KLHL25: variants seen among roughly 807,000 people sequenced by gnomAD.
KLHL25 encodes the protein kelch like family member 25.
A neutral mutation model predicts 30.0 loss-of-function variants in KLHL25; 41 were observed. The ratio of observed to expected loss-of-function variants is 1.37; its 90% CI spans 1.07 to 1.78. The LOEUF (loss-of-function observed/expected upper bound fraction) is 1.78. Ranked by LOEUF, KLHL25 falls within the 40% of genes most tolerant of loss-of-function variation. KLHL25 has a pLI of 0.00. For missense variants in KLHL25, 971 were observed against 824.5 expected, an observed-to-expected ratio of 1.18 and a Z score of -2.18; for synonymous variants, 399 against 355.3, an observed-to-expected ratio of 1.12 and a Z score of -1.38.
rs2089800904 is a variant in KLHL25, at chr15:85,789,282, C to G, written c.-11+5484G>C. Among the ~76,000 whole-genome samples the G allele has an allele frequency of 6.6e-6, 1 of 152,230 alleles. No individual in the cohort carries two copies. The highest frequency in any genetic ancestry group is 1.5e-5 in the Non-Finnish European group (1 of 68,038). ...CTGGTGGCAGCAGGCACAGCGCTCC[C>G]ATGGCCTGCTCAGCCCTGCTTCCCC... On this transcript the variant is annotated intron_variant, in intron 1 of 2. Transcript: ENST00000337975. This position sits in a 1 kb window ranked among gnomAD's most constrained non-coding sequence, Gnocchi z 4.1.
Position 85,769,221 on chromosome 15 carries a change from A to G in KLHL25, c.590T>C (p.Ile197Thr). 1 of 1,613,596 alleles carries G rather than the reference A, an allele frequency of 6.2e-7. No individual in the cohort carries two copies. Among genetic ancestry groups the G allele is most frequent in the East Asian group, 2.2e-5 (1 of 44,882 alleles). The change falls in exon 2 of 3, where the codon ATC (isoleucine) becomes ACC (threonine). Residue 197 changes from isoleucine (I) to threonine (T), a missense_variant. By Grantham distance (89) the Ile-to-Thr change is moderately conservative. Transcript: ENST00000337975. The stretch of plus-strand genomic sequence containing the variant: ...CTCGGTCTCCAGCTCATCACTCGAG[A>G]TGAGGTCCAGCAGTGTGTCCTTGGA... ...SLSKDTLLDL[I>T]SSDELETEDE...
chr15:85,777,112 GGGCTGCC>G (rs2089714666), intron 1 of KLHL25, among the ~76,000 whole-genome samples: 2 of 152,194 alleles, frequency 1.3e-5, no homozygotes, highest in South Asian at 4.1e-4. Flanking sequence ...GCACAGGAAT[GGGCTGCC>G]CATGGGGCAG....
chr15:85,786,073 G>A (rs557058542), intron 1 of KLHL25, among the ~76,000 whole-genome samples: 3 of 147,596 alleles, frequency 2.0e-5, no homozygotes, highest in East Asian at 2.0e-4. Flanking sequence ...TCTAATAAAC[G>A]CAAAAACTGC....
chr15:85,774,834 A>G (rs184286497), intron 1 of KLHL25, among the ~76,000 whole-genome samples: 21 of 151,480 alleles, frequency 1.4e-4, no homozygotes, highest in Admixed American at 2.6e-4. Flanking sequence ...CTGGTACAAA[A>G]TGAAAACCCC....
intron 1 of KLHL25, among the ~76,000 whole-genome samples, chr15:85,778,153 T>C (rs1483324213): frequency 1.3e-5 from 2 of 152,226 alleles, no homozygotes; most frequent in African/African-American, 4.8e-5. Context: ...GGAACCCAGA[T>C]GACAGAGCTG....
At chr15:85,765,668 T>C (rs1597271151) in intron 2 of KLHL25, among the ~76,000 whole-genome samples, 1 of 123,096 alleles carries the variant, frequency 8.1e-6, no homozygotes, top group Non-Finnish European at 1.7e-5. Context: ...ACAGAAAAGC[T>C]GTAAAAGAAA....
At position 85,768,905 on chromosome 15, in the gene KLHL25, G is replaced by A. The variant is rs761980934; in HGVS notation, c.906C>T (p.Gly302=). The A allele has an allele frequency of 3.7e-6, 6 of 1,613,194 alleles. 1 individual carries two copies. The highest frequency in any genetic ancestry group is 3.3e-5 in the South Asian group (3 of 91,096). ...KAGHTLLILG[G]QTFMCDKIYQ... ...AGATCTTGTCACACATGAAGGTCTG[G>A]CCCCCCAGGATGAGTAGCGTGTGGC... is the stretch of plus-strand genomic sequence containing the variant. Residue 302 remains glycine, a synonymous_variant, in exon 2 of 3, where the codon GGC becomes GGT. Coordinates refer to ENST00000337975, the MANE Select transcript of KLHL25 (RefSeq NM_022480.4).
intron 1 of KLHL25, chr15:85,771,201 G>GAA (rs55642980): frequency 0.089 from 10,449 of 117,792 alleles, 593 homozygotes; most frequent in Non-Finnish European, 0.13. Context: ...AATTAAGCCT[G>GAA]AAAAAAAAAA....
chr15:85,792,848 C>T (rs2089826878), intron 1 of KLHL25, among the ~76,000 whole-genome samples: 1 of 152,144 alleles, frequency 6.6e-6, no homozygotes. Flanking sequence ...TCCTTCTCTC[C>T]TCTTGCTGCC....
intron 1 of KLHL25, among the ~76,000 whole-genome samples, chr15:85,775,294 G>A (rs1238696943): frequency 1.3e-5 from 2 of 152,188 alleles, no homozygotes; most frequent in African/African-American, 2.4e-5. Flanking sequence ...TTTGACAGAT[G>A]TGGCTCTGGA....
rs1204864616 is a variant in KLHL25 at position 85,789,567 on chromosome 15, G to A, written c.-11+5199C>T. Among the ~76,000 whole-genome samples the A allele has an allele frequency of 1.3e-5, 2 of 152,092 alleles. No individual in the cohort carries two copies. The highest frequency in any genetic ancestry group is 1.3e-4 in the Admixed American group (2 of 15,280). On this transcript the variant is annotated intron_variant, in intron 1 of 2. Coordinates refer to ENST00000337975, the MANE Select transcript of KLHL25 (RefSeq NM_022480.4). This position sits in a 1 kb window ranked among gnomAD's most constrained non-coding sequence, Gnocchi z 4.1. ...AGCTAATCTGCTGAAGATCTCCCTT[G>A]CTCCTCAAAGCTCGTTGTCCAACTC...
rs534487841 is a variant in KLHL25 at position 85,784,664 on chromosome 15, G to T, written c.-11+10102C>A. Among the ~76,000 whole-genome samples the T allele has an allele frequency of 2.6e-3, 391 of 152,314 alleles. 2 individuals carry two copies. Among genetic ancestry groups the T allele is most frequent in the Non-Finnish European group, 3.1e-3 (212 of 68,018 alleles). The stretch of plus-strand genomic sequence containing the variant: ...TTGAAGATGGAGGGCATTGAGACTA[G>T]AACCCGGCTGCAGCCAGCAAGGAAA... On this transcript the variant is annotated intron_variant, in intron 1 of 2. Transcript: ENST00000337975.
intron 1 of KLHL25, chr15:85,770,648 A>G (rs1465597974): frequency 6.2e-6 from 3 of 482,350 alleles, no homozygotes; most frequent in Non-Finnish European, 8.7e-6. Context: ...CCAAGATGAC[A>G]GCAGGACATG....
chr15:85,775,105 G>A (rs1192595139), intron 1 of KLHL25, among the ~76,000 whole-genome samples: 1 of 152,126 alleles, frequency 6.6e-6, no homozygotes, highest in Non-Finnish European at 1.5e-5. Flanking sequence ...TTGAACTCCT[G>A]ACCTCAGGTG....
intron 1 of KLHL25, among the ~76,000 whole-genome samples, chr15:85,788,676 A>C (rs1409763815): frequency 6.6e-6 from 1 of 152,172 alleles, no homozygotes; most frequent in African/African-American, 2.4e-5. Flanking sequence ...TCAGACGCTG[A>C]GCTCCCAAGC....
At chr15:85,787,116 CCATCA>C (rs2089786307) in intron 1 of KLHL25, among the ~76,000 whole-genome samples, 1 of 148,396 alleles carries the variant, frequency 6.7e-6, no homozygotes, top group African/African-American at 2.5e-5. Context: ...CCCCCCCACC[CCATCA>C]CATTAGCTAA....
intron 1 of KLHL25, among the ~76,000 whole-genome samples, chr15:85,793,656 G>C (rs2937936): frequency 2.0e-5 from 3 of 152,036 alleles, no homozygotes; most frequent in Non-Finnish European, 1.5e-5. Context: ...CCAGGATACA[G>C]ACCGTGGAAT....
At position 85,768,696 on chromosome 15, in the gene KLHL25, GC is replaced by G; in HGVS notation, c.1114del (p.Ala372ArgfsTer4). The G allele has an allele frequency of 1.9e-6, 3 of 1,613,382 alleles. No homozygotes were observed. The highest frequency in any genetic ancestry group is 2.2e-5 in the South Asian group (2 of 91,084). On this transcript the variant is annotated frameshift_variant, in exon 2 of 3. Transcript: ENST00000337975. LOFTEE classifies it high-confidence loss of function. ...GCCAAAGCGGGCAATCAGCATGGGCGCCGCCTTGGACCATTCCTCATGTACG... is the reference window on the plus strand; with the variant it reads ...GCCAAAGCGGGCAATCAGCATGGGCGCGCCTTGGACCATTCCTCATGTACG... Reference protein sequence around the residue: ...DTVHEEWSKAAPMLIARFGHG... With the variant: ...DTVHEEWSKAXPMLIARFGHG...
Position 85,769,267 on chromosome 15 carries a change from T to C in KLHL25, c.544A>G (p.Ser182Gly), listed in dbSNP as rs1404120092. ...CLVHFETVRQ[S>G]EDFNSLSKDT... is the part of the protein sequence containing the mutation. Reference sequence around the variant, plus strand: ...TTGGACAGGCTGTTGAAGTCCTCGCTCTGCCTCACCGTCTCAAAGTGCACC... The same window carrying C: ...TTGGACAGGCTGTTGAAGTCCTCGCCCTGCCTCACCGTCTCAAAGTGCACC... The change falls in exon 2 of 3, where the codon AGC becomes GGC. Residue 182 changes from serine to glycine, a missense_variant. Physicochemically the swap from Ser to Gly is moderately conservative, Grantham distance 56. Coordinates refer to ENST00000337975, the MANE Select transcript of KLHL25 (RefSeq NM_022480.4). The C allele has an allele frequency of 2.5e-6, 4 of 1,613,928 alleles. No homozygotes were observed. Among genetic ancestry groups the C allele is most frequent in the Non-Finnish European group, 3.4e-6 (4 of 1,180,034 alleles).
Sources: gnomAD v4.1 joint callset for allele counts (sites outside exome capture counted in the v4.1 genomes callset) on GRCh38, gnomAD v4.1.1 for gene constraint, Gnocchi (gnomAD v3.1) non-coding constraint, MANE v1.5 for transcripts, NCBI Gene and HGNC (gene_info 2026-07-23, HGNC 2026-07-21) for gene names.